PKIB: variants seen among roughly 807,000 people sequenced by gnomAD.
PKIB encodes the protein cAMP-dependent protein kinase inhibitor beta.
PKIB carries 2 observed loss-of-function variants against 4.5 expected under a neutral mutation model. The observed-to-expected ratio is 0.44, with a 90% CI of 0.18 to 1.39. The LOEUF is 1.39. PKIB is among the 40% of genes most tolerant of loss of function. The probability of loss-of-function intolerance (pLI) is 0.27; values close to 1 mark genes in which losing one functional copy is unlikely to be tolerated. For missense variants in PKIB, 94 were observed against 92.6 expected (o/e 1.02, Z -0.06); for synonymous variants, 38 against 36.0 (o/e 1.06, Z -0.20).
chr6:122,717,668 A>G, intron 3 of PKIB, 119 bp from the exon 4 acceptor site: 1 of 952,012 alleles, frequency 1.1e-6, no homozygotes, highest in Non-Finnish European at 1.6e-6. Context: ...GAAGGTTGTG[A>G]TCAATGATTA....
intron 2 of PKIB, among the ~76,000 whole-genome samples, chr6:122,522,487 C>T (rs557981455): frequency 8.5e-5 from 13 of 152,310 alleles, no homozygotes; most frequent in Admixed American, 3.3e-4. Flanking sequence ...CTGCAGCTAG[C>T]TCAGTGTCTC....
At chr6:122,657,551 C>G (rs1229312623) in intron 2 of PKIB, among the ~76,000 whole-genome samples, 4 of 152,140 alleles carry the variant, frequency 2.6e-5, no homozygotes, top group Non-Finnish European at 5.9e-5. Context: ...GAATTTCATA[C>G]TGAGGGGAAT....
intron 3 of PKIB, among the ~76,000 whole-genome samples, chr6:122,587,952 A>C (rs544900792): frequency 2.0e-5 from 3 of 151,800 alleles, no homozygotes; most frequent in Non-Finnish European, 4.4e-5. Context: ...GATTGCAAAA[A>C]TTTTCTCCCA....
intron 1 of PKIB, among the ~76,000 whole-genome samples, chr6:122,616,710 G>GT (rs66471415): frequency 0.099 from 14,688 of 147,684 alleles, 810 homozygotes; most frequent in East Asian, 0.18. Context: ...AGGGTGAGTA[G>GT]TTTTTTTTTT....
At chr6:122,701,236 T>G in intron 3 of PKIB, 1 of 482,378 alleles carries the variant, frequency 2.1e-6, no homozygotes, top group Non-Finnish European at 3.7e-6. Context: ...TGTGGCCACT[T>G]TCCTTCCCAC....
intron 1 of PKIB, among the ~76,000 whole-genome samples, chr6:122,475,151 C>T (rs565957918): frequency 6.6e-6 from 1 of 152,090 alleles, no homozygotes; most frequent in East Asian, 1.9e-4. Context: ...CTCCTGCAAC[C>T]GCTGCCTGGA....
At chr6:122,612,920 T>C (rs1255436850) in intron 1 of PKIB, among the ~76,000 whole-genome samples, 2 of 152,058 alleles carry the variant, frequency 1.3e-5, no homozygotes, top group African/African-American at 4.8e-5. Flanking sequence ...TCTGGAAAAA[T>C]AAATGTTTCT....
intron 2 of PKIB, among the ~76,000 whole-genome samples, chr6:122,501,471 C>G (rs954755022): frequency 3.3e-5 from 5 of 152,242 alleles, no homozygotes; most frequent in Admixed American, 3.3e-4. Flanking sequence ...AACCTCAACT[C>G]TTTCCTTCTG....
intron 2 of PKIB, among the ~76,000 whole-genome samples, chr6:122,667,616 T>G (rs1285183782): frequency 6.6e-6 from 1 of 152,168 alleles, no homozygotes; most frequent in Non-Finnish European, 1.5e-5. Flanking sequence ...TTTTTGTTGG[T>G]GTTTGAGGAT....
At chr6:122,642,382 T>A (rs1776154285) in intron 2 of PKIB, among the ~76,000 whole-genome samples, 1 of 152,232 alleles carries the variant, frequency 6.6e-6, no homozygotes, top group South Asian at 2.1e-4. Flanking sequence ...TTCTGTTTGT[T>A]ATTCTGCTGC....
At chr6:122,693,767 T>C (rs1270809299) in intron 3 of PKIB, among the ~76,000 whole-genome samples, 1 of 152,188 alleles carries the variant, frequency 6.6e-6, no homozygotes, top group Admixed American at 6.5e-5. Flanking sequence ...CTCGGGAGAT[T>C]TTAGTCTTCT....
intron 1 of PKIB, among the ~76,000 whole-genome samples, chr6:122,613,577 C>A (rs9320881): frequency 6.6e-6 from 1 of 151,894 alleles, no homozygotes; most frequent in Non-Finnish European, 1.5e-5. Flanking sequence ...AAGTCATTAC[C>A]AGGTAGTGAC....
chr6:122,528,763 A>G (rs979851463), intron 2 of PKIB, among the ~76,000 whole-genome samples: 1 of 152,140 alleles, frequency 6.6e-6, no homozygotes, highest in Non-Finnish European at 1.5e-5. Context: ...ATGGTGGCAC[A>G]TGCTTGTAGT....
intron 2 of PKIB, among the ~76,000 whole-genome samples, chr6:122,635,267 C>A (rs1775870851): frequency 6.6e-6 from 1 of 152,048 alleles, no homozygotes; most frequent in South Asian, 2.1e-4. Context: ...GCATACCTTG[C>A]CAAATGCACA....
At chr6:122,546,716 T>C (rs1772504395) in intron 2 of PKIB, among the ~76,000 whole-genome samples, 1 of 152,070 alleles carries the variant, frequency 6.6e-6, no homozygotes, top group East Asian at 1.9e-4. Flanking sequence ...ATTTTTTACT[T>C]TACTGTTTTT....
chr6:122,505,340 G>T (rs1364943163), intron 2 of PKIB, among the ~76,000 whole-genome samples: 5 of 152,016 alleles, frequency 3.3e-5, no homozygotes, highest in Non-Finnish European at 5.9e-5. Flanking sequence ...ACAACTTATT[G>T]TCCCATATTT....
chr6:122,701,496 C>A, intron 3 of PKIB: 1 of 1,596,970 alleles, frequency 6.3e-7, no homozygotes, highest in East Asian at 2.3e-5. Context: ...GCATGTCACA[C>A]CAGGGTATAG....
At chr6:122,713,004 G>A (rs1244877613) in intron 3 of PKIB, among the ~76,000 whole-genome samples, 1 of 151,994 alleles carries the variant, frequency 6.6e-6, no homozygotes, top group East Asian at 1.9e-4. Context: ...CATTTATCTT[G>A]AACATCTCGT....
At chr6:122,641,948 C>T (rs1174716052) in intron 2 of PKIB, among the ~76,000 whole-genome samples, 2 of 152,146 alleles carry the variant, frequency 1.3e-5, no homozygotes, top group Non-Finnish European at 2.9e-5. Flanking sequence ...CCAACTCGGC[C>T]TCCCAAAGTG....
Sources: allele counts gnomAD v4.1 joint callset (sites outside exome capture counted in the v4.1 genomes callset), GRCh38; gene constraint gnomAD v4.1.1; transcripts MANE v1.5; gene names NCBI Gene and HGNC (gene_info 2026-07-23, HGNC 2026-07-21).